Variants in DYSF observed in about 807,000 individuals in gnomAD.
DYSF encodes the protein dystrophy-associated fer-1-like 1.
DYSF carries 212 observed loss-of-function variants against 274.9 expected under a neutral mutation model. That is an observed-to-expected ratio of 0.77 (90% CI 0.69 to 0.86). The LOEUF (loss-of-function observed/expected upper bound fraction) is 0.86. Ranked by LOEUF, DYSF falls within the 40% of genes least tolerant of loss-of-function variation. The pLI, the probability that DYSF is intolerant of heterozygous loss-of-function variation, is 0.00. For missense variants in DYSF, 2,666 were observed against 2,783.2 expected (o/e 0.96, Z 0.95); for synonymous variants, 1,091 against 1,078.7 (o/e 1.01, Z -0.22).
chr2:71,466,512 G>T (rs1328828080), upstream of DYSF, among the ~76,000 whole-genome samples: 1 of 152,154 alleles, frequency 6.6e-6, no homozygotes, highest in Non-Finnish European at 1.5e-5. Context: ...CCGCGTCAGC[G>T]GCGCCTCGTT....
Position 71,644,045 on chromosome 2 carries a change from G to T in DYSF, c.4608G>T (p.Lys1536Asn), listed in dbSNP as rs182185801. 22 of 1,611,460 alleles carry T rather than the reference G, an allele frequency of 1.4e-5. No homozygotes were observed. The Admixed American group carries it at 3.5e-4, about 26-fold the overall frequency. ...EREKCGSYLE[K>N]DFDTLKVYDT... ...AAAAGTGCGGCTCCTACCTGGAGAA[G>T]GATTTTGACACCCTGAAGGTAAGGC... Residue 1536 changes from lysine (K) to asparagine (N), a missense_variant, in exon 42 of 56, where the codon AAG becomes AAT. Around this residue, in one of 3 missense-constraint regions of DYSF, gnomAD observed 1,460 missense variants for 1,502.1 expected, o/e 0.97. Transcript: ENST00000410020.
Position 71,515,723 on chromosome 2 carries a change from A to G in DYSF, c.860A>G (p.His287Arg). 1.2e-6 allele frequency: 2 copies of G among 1,614,184 alleles called. No individual in the cohort carries two copies. Among genetic ancestry groups the G allele is most frequent in the Admixed American group, 1.7e-5 (1 of 60,026 alleles). ...GGGCAGACCAAGCGGACGCGGATCC[A>G]CAAGGGAAACAGCCCACTCTTCAAT... is the stretch of plus-strand genomic sequence containing the variant. ...AAGQTKRTRI[H>R]KGNSPLFNET... Residue 287 changes from histidine to arginine, a missense_variant, in exon 8 of 56, where the codon CAC becomes CGC. By Grantham distance (29) the His-to-Arg change is conservative. Transcript: ENST00000410020.
chr2:71,625,134 A>G (rs772681389), intron 41 of DYSF, among the ~76,000 whole-genome samples: 14 of 142,144 alleles, frequency 9.8e-5, no homozygotes, highest in Non-Finnish European at 1.5e-4. Flanking sequence ...ATAATAGATT[A>G]GTTTCTTTAA....
chr2:71,578,036 A>C (rs2092770233), intron 30 of DYSF, among the ~76,000 whole-genome samples: 1 of 152,172 alleles, frequency 6.6e-6, no homozygotes, highest in Non-Finnish European at 1.5e-5. Flanking sequence ...CGTGCAAGTA[A>C]CTGAATCCCA....
rs185711021 is a variant in DYSF at position 71,513,798 on chromosome 2, G to T, written c.636G>T (p.Pro212=). ...AEPFLDQSGG[P]GAPTTPRKLP... ...CATTCCTGGATCAAAGCGGAGGCCC[G>T]GGGGCTCCCACCACCCCAAGGAAAC... Residue 212 remains proline (P), a synonymous_variant, in exon 7 of 56, where the codon CCG becomes CCT. Coordinates refer to ENST00000410020, the MANE Select transcript of DYSF (RefSeq NM_001130987.2). 2.5e-6 allele frequency: 4 copies of T among 1,614,070 alleles called. No individual in the cohort carries two copies. In the East Asian group the frequency reaches 8.9e-5, roughly 36 times the overall value.
chr2:71,476,830 T>TC (rs1302645120), intron 1 of DYSF, among the ~76,000 whole-genome samples: 1 of 146,934 alleles, frequency 6.8e-6, no homozygotes, highest in Admixed American at 6.7e-5. Flanking sequence ...CTGCTTTTTT[T>TC]TTTTTTTTCC....
intron 30 of DYSF, among the ~76,000 whole-genome samples, chr2:71,576,113 C>T (rs2092689808): frequency 6.6e-6 from 1 of 152,252 alleles, no homozygotes; most frequent in South Asian, 2.1e-4. Flanking sequence ...GGTGCCCAGC[C>T]AGCCCCTGCA....
intron 1 of DYSF, among the ~76,000 whole-genome samples, chr2:71,461,515 C>T (rs1489346733): frequency 2.0e-5 from 3 of 152,182 alleles, no homozygotes; most frequent in African/African-American, 7.2e-5. Context: ...CCCTTTGGCC[C>T]GAGGAAATGA....
intron 17 of DYSF, among the ~76,000 whole-genome samples, chr2:71,549,633 G>C (rs2090780312): frequency 6.6e-6 from 1 of 151,210 alleles, no homozygotes; most frequent in African/African-American, 2.4e-5. Context: ...TCCTAAATGG[G>C]ATAGGCTTGG....
rs576787503 is a variant in DYSF at position 71,466,795 on chromosome 2, C to A, written c.-48C>A. 2.6e-4 allele frequency: 374 copies of A among 1,459,776 alleles called. 10 individuals are homozygous for A. In the South Asian group the frequency reaches 4.8e-3, roughly 19 times the overall value. The allele number at this position is 1,459,776 out of a possible 1,614,324, so 90.4% of individuals were successfully genotyped here. On this transcript the variant is annotated 5_prime_UTR_variant, in exon 1 of 56. Transcript: ENST00000410020. ...GGTGGGTGCTCGGGCCCGGTGCTCC[C>A]GCTCCCGCCCTGACTGCGCGCCTGT...
intron 12 of DYSF, among the ~76,000 whole-genome samples, chr2:71,525,492 A>T (rs1475011316): frequency 6.6e-6 from 1 of 152,136 alleles, no homozygotes; most frequent in Non-Finnish European, 1.5e-5. Context: ...CCAGAGTGCT[A>T]GGATTACAGG....
intron 17 of DYSF, among the ~76,000 whole-genome samples, chr2:71,540,258 G>A (rs919416836): frequency 3.3e-5 from 5 of 151,794 alleles, no homozygotes; most frequent in Non-Finnish European, 5.9e-5. Context: ...CTACAGGCGC[G>A]CGCCACCACG....
intron 30 of DYSF, among the ~76,000 whole-genome samples, chr2:71,585,565 T>C (rs537087163): frequency 6.6e-6 from 1 of 152,284 alleles, no homozygotes; most frequent in African/African-American, 2.4e-5. Context: ...TGTCCACACC[T>C]GAAAACCAGA....
intron 33 of DYSF, among the ~76,000 whole-genome samples, chr2:71,600,221 C>G (rs2093515969): frequency 6.6e-6 from 1 of 152,226 alleles, no homozygotes; most frequent in Admixed American, 6.5e-5. Flanking sequence ...TTGATGAAAA[C>G]ATCATTTTGT....
chr2:71,545,045 T>A (rs980938363), intron 17 of DYSF, among the ~76,000 whole-genome samples: 1 of 152,128 alleles, frequency 6.6e-6, no homozygotes, highest in African/African-American at 2.4e-5. Flanking sequence ...TGAAAGAGAA[T>A]AACAGAGTAG....
chr2:71,587,025 C>T (rs939191314), intron 30 of DYSF, among the ~76,000 whole-genome samples: 1 of 152,220 alleles, frequency 6.6e-6, no homozygotes, highest in African/African-American at 2.4e-5. Context: ...ACTGTTGCAC[C>T]TGCGGGCTGG....
intron 17 of DYSF, among the ~76,000 whole-genome samples, chr2:71,543,942 GGGAGACGGAGAGGGAGAGGGAGAC>G (rs1284938121): frequency 2.7e-5 from 4 of 146,274 alleles, no homozygotes; most frequent in African/African-American, 9.9e-5. Context: ...GAGAGGGAGA[GGGAGACGGAGAGGGAGAGGGAGAC>G]GGAGAGGGAG....
chr2:71,550,936 G>T (rs553170520), intron 17 of DYSF, 105 bp from the exon 18 acceptor site: 6 of 903,084 alleles, frequency 6.6e-6, no homozygotes, highest in South Asian at 2.7e-5. Context: ...GTGCATGTGG[G>T]GGGGAACTGA....
chr2:71,616,960 T>G (rs772304253), intron 40 of DYSF, among the ~76,000 whole-genome samples: 3 of 152,128 alleles, frequency 2.0e-5, no homozygotes, highest in Non-Finnish European at 4.4e-5. Flanking sequence ...ATGATTATGA[T>G]TAGGGGAAGA....
Sources: allele counts gnomAD v4.1 joint callset (sites outside exome capture counted in the v4.1 genomes callset), GRCh38; gene constraint gnomAD v4.1.1; regional missense constraint gnomAD v4.1.1; transcripts MANE v1.5; gene names NCBI Gene and HGNC (gene_info 2026-07-23, HGNC 2026-07-21).